Variants in SERPINB12 observed in about 807,000 individuals in gnomAD.
The protein encoded by SERPINB12 is serpin family B member 12.
Under a neutral mutation model 41.1 loss-of-function variants are expected in SERPINB12, and 57 were observed. The observed-to-expected ratio is 1.39, with a 90% CI of 1.12 to 1.73. The LOEUF (loss-of-function observed/expected upper bound fraction) is 1.73. Among genes scored for constraint, SERPINB12 ranks in the 40% most tolerant of loss-of-function variants. SERPINB12 has a pLI of 0.00. For synonymous variants in SERPINB12, 180 were observed against 181.3 expected, an observed-to-expected ratio of 0.99 and a Z score of 0.06; for missense variants, 536 against 501.9, an observed-to-expected ratio of 1.07 and a Z score of -0.65.
Position 63,559,651 on chromosome 18 carries a change from T to G in SERPINB12, c.377T>G (p.Ile126Ser), listed in dbSNP as rs771750074. The G allele has an allele frequency of 1.4e-5, 23 of 1,614,020 alleles. No individual in the cohort carries two copies. The highest frequency in any genetic ancestry group is 1.9e-5 in the Non-Finnish European group (23 of 1,180,004). Residue 126 changes from isoleucine to serine, a missense_variant, in exon 4 of 8, where the codon ATC (isoleucine) becomes AGC (serine). Coordinates refer to ENST00000382768, the MANE Select transcript of SERPINB12 (RefSeq NM_001307928.2). ...FGQLLSKLDR[I>S]KTDYTLSIAN... ...CAGCTTCTCTCCAAATTAGACAGGA[T>G]CAAGACTGATTACACACTGAGTATT... is the stretch of plus-strand genomic sequence containing the variant.
intron 1 of SERPINB12, among the ~76,000 whole-genome samples, chr18:63,553,307 C>G (rs1340289739): frequency 1.3e-5 from 2 of 152,186 alleles, no homozygotes; most frequent in Non-Finnish European, 2.9e-5. Flanking sequence ...AAGTCTTAGC[C>G]TTGCTTTGCT....
chr18:63,556,006 A>T (rs964509243), intron 1 of SERPINB12, among the ~76,000 whole-genome samples, 136 bp from the exon 2 acceptor site: 2 of 152,130 alleles, frequency 1.3e-5, no homozygotes, highest in East Asian at 3.8e-4. Context: ...GATGATAATG[A>T]CCTTAGTTTT....
chr18:63,558,465 G>T lies in SERPINB12; in HGVS notation c.282G>T (p.Thr94=), dbSNP rs1910755893. The change falls in exon 3 of 8, where the codon ACG becomes ACT. Residue 94 remains threonine (T), a synonymous_variant. Coordinates refer to ENST00000382768, the MANE Select transcript of SERPINB12 (RefSeq NM_001307928.2). ...GCTCTCTGGAGGGGCAGAAAAAAAC[G>T]ACAGAGCCTCTGGATCAGCAGGTGA... ...ADSSLEGQKK[T]TEPLDQQAGS... is the part of the protein sequence containing the mutation. 3 of 1,612,970 alleles carry T rather than the reference G, an allele frequency of 1.9e-6. No individual in the cohort carries two copies. Among genetic ancestry groups the T allele is most frequent in the South Asian group, 2.2e-5 (2 of 90,858 alleles).
At chr18:63,556,729 G>C (rs1438298063) in intron 2 of SERPINB12, among the ~76,000 whole-genome samples, 1 of 152,102 alleles carries the variant, frequency 6.6e-6, no homozygotes, top group Admixed American at 6.5e-5. Context: ...TACCATATAT[G>C]GTTCCAGTGG....
At chr18:63,538,902 TA>T (rs1344649072), upstream of SERPINB12, among the ~76,000 whole-genome samples, 3 of 152,316 alleles carry the variant, frequency 2.0e-5, no homozygotes, top group Non-Finnish European at 4.4e-5. Context: ...TATAAAGCGG[TA>T]TCTCACTGTA....
At chr18:63,532,956 C>T in the SERPINB12 span, among the ~76,000 whole-genome samples, 1 of 151,964 alleles carries the variant, frequency 6.6e-6, no homozygotes, top group Admixed American at 6.6e-5. Flanking sequence ...ATCTTTGGTA[C>T]CTAGTAAGTA....
At chr18:63,532,736 G>A in the SERPINB12 span, among the ~76,000 whole-genome samples, 1 of 152,102 alleles carries the variant, frequency 6.6e-6, no homozygotes, top group Non-Finnish European at 1.5e-5. Flanking sequence ...ACCTCTCAGG[G>A]TGTGTCCACA....
chr18:63,563,124 C>T (rs140042722), intron 5 of SERPINB12, among the ~76,000 whole-genome samples: 139 of 152,278 alleles, frequency 9.1e-4, no homozygotes, highest in African/African-American at 3.2e-3. Flanking sequence ...GATAATGATA[C>T]CTCCTTATCG....
chr18:63,565,487 T>C lies in SERPINB12; in HGVS notation c.748T>C (p.Tyr250His), dbSNP rs978357322. Residue 250 changes from tyrosine (Y) to histidine (H), a missense_variant, in exon 7 of 8, where the codon TAC (tyrosine) becomes CAC (histidine). Coordinates refer to ENST00000382768, the MANE Select transcript of SERPINB12 (RefSeq NM_001307928.2). ...GAAGATGATGACGCAAAAAGGCCTC[T>C]ACAGAATTGGCTTCATAGAGGAGGT... ...SVKMMTQKGLYRIGFIEEVKA... is the reference protein window; with the variant it reads ...SVKMMTQKGLHRIGFIEEVKA... 2.5e-6 allele frequency: 4 copies of C among 1,613,816 alleles called. No individual in the cohort carries two copies. The African/African-American group carries it at 5.3e-5, about 22-fold the overall frequency.
intron 1 of SERPINB12, among the ~76,000 whole-genome samples, chr18:63,552,733 G>A (rs1910565296): frequency 1.3e-5 from 2 of 152,118 alleles, no homozygotes; most frequent in Admixed American, 6.5e-5. Flanking sequence ...CTAACCCAGT[G>A]GGAGAACTTC....
At chr18:63,520,977 G>C in the SERPINB12 span, among the ~76,000 whole-genome samples, 1 of 152,186 alleles carries the variant, frequency 6.6e-6, no homozygotes, top group African/African-American at 2.4e-5. Flanking sequence ...ATTTTTAAAG[G>C]TAAAATAAGG....
rs141983971 is a variant in SERPINB12 at position 63,542,869 on chromosome 18, A to T, written c.-19+377A>T. On this transcript the variant is annotated intron_variant, in intron 1 of 7. Coordinates refer to ENST00000382768, the MANE Select transcript of SERPINB12 (RefSeq NM_001307928.2). ...CATATGTTCTCAATGTTTAGCTCCC[A>T]CTTATAAGTTAGAACATGTGGTATT... is the stretch of plus-strand genomic sequence containing the variant. Among the ~76,000 whole-genome samples the T allele has an allele frequency of 6.4e-4, 97 of 152,106 alleles. 1 individual carries two copies. In the East Asian group the frequency reaches 0.017, roughly 27 times the overall value.
At chr18:63,556,091 T>G in intron 1 of SERPINB12, 51 bp from the exon 2 acceptor site, 1 of 1,332,978 alleles carries the variant, frequency 7.5e-7, no homozygotes, top group South Asian at 1.3e-5. Flanking sequence ...GTTTGTTCAC[T>G]TATTTTCTTC....
At chr18:63,524,741 C>G in the SERPINB12 span, among the ~76,000 whole-genome samples, 2 of 148,870 alleles carry the variant, frequency 1.3e-5, no homozygotes, top group Non-Finnish European at 3.0e-5. Context: ...CTTTTTTTTT[C>G]TCTTTCCCTT....
chr18:63,556,665 G>C (rs569818260), intron 2 of SERPINB12, among the ~76,000 whole-genome samples: 1 of 152,072 alleles, frequency 6.6e-6, no homozygotes, highest in African/African-American at 2.4e-5. Context: ...GCGATTTTTA[G>C]TATGTGTATA....
chr18:63,540,255 G>A (rs1910246661), upstream of SERPINB12, among the ~76,000 whole-genome samples: 1 of 152,152 alleles, frequency 6.6e-6, no homozygotes, highest in South Asian at 2.1e-4. Context: ...TTTAGGAGAG[G>A]AAAATGGGAT....
chr18:63,552,298 C>A (rs756915071), intron 1 of SERPINB12, among the ~76,000 whole-genome samples: 1 of 152,132 alleles, frequency 6.6e-6, no homozygotes, highest in Non-Finnish European at 1.5e-5. Context: ...ACCATAAACT[C>A]ATTTCTATGG....
At chr18:63,537,428 G>A (rs372185997), upstream of SERPINB12, among the ~76,000 whole-genome samples, 17 of 152,296 alleles carry the variant, frequency 1.1e-4, no homozygotes, top group African/African-American at 4.1e-4. Flanking sequence ...GTGGCCAGAG[G>A]AGAATGGTAG....
At chr18:63,562,750 C>T (rs1375511818) in intron 5 of SERPINB12, among the ~76,000 whole-genome samples, 1 of 152,122 alleles carries the variant, frequency 6.6e-6, no homozygotes, top group Non-Finnish European at 1.5e-5. Flanking sequence ...ATGTACTTTC[C>T]CCTTAGTGAG....
Sources: gnomAD v4.1 joint callset for allele counts (sites outside exome capture counted in the v4.1 genomes callset) on GRCh38, gnomAD v4.1.1 for gene constraint, MANE v1.5 for transcripts, NCBI Gene and HGNC (gene_info 2026-07-23, HGNC 2026-07-21) for gene names.